Variants in DDI2 observed in about 807,000 individuals in gnomAD.
The protein encoded by DDI2 is DDI proteasomal shuttling factor 2, also known as protein DDI1 homolog 2.
Under a neutral mutation model 48.1 loss-of-function variants are expected in DDI2, and 5 were observed. The ratio of observed to expected loss-of-function variants is 0.10; its 90% CI spans 0.05 to 0.22. DDI2 has a LOEUF of 0.22. Among genes scored for constraint, DDI2 ranks in the 10% least tolerant of loss-of-function variants. The pLI is 1.00. For synonymous variants in DDI2, 205 were observed against 183.6 expected (o/e 1.12, Z -0.94); for missense variants, 285 against 506.2 (o/e 0.56, Z 4.19).
In DDI2 at chr1:15,660,523, A is replaced by G. The variant is rs1640352514; in HGVS notation, c.*733A>G. 1 of 1,613,370 alleles carries G rather than the reference A, an allele frequency of 6.2e-7. No individual in the cohort carries two copies. Among genetic ancestry groups the G allele is most frequent in the Non-Finnish European group, 8.5e-7 (1 of 1,179,890 alleles). On this transcript the variant is annotated 3_prime_UTR_variant, in exon 10 of 10. Transcript: ENST00000480945. ...TGATTTGGAAGCTACGATGAAAGGA[A>G]ATGGGCTCCCACAGAATGTGGATCC...
At chr1:15,638,942 C>T (rs1639967164) in intron 5 of DDI2, among the ~76,000 whole-genome samples, 1 of 152,134 alleles carries the variant, frequency 6.6e-6, no homozygotes, top group African/African-American at 2.4e-5. Context: ...CCTAACTCCC[C>T]TTATCTAGCA....
intron 9 of DDI2, 101 bp from the exon 10 acceptor site, chr1:15,659,736 C>T (rs746964723): frequency 2.8e-5 from 35 of 1,255,322 alleles, no homozygotes; most frequent in Non-Finnish European, 3.7e-5. Flanking sequence ...GTTTGAGGAC[C>T]TTATTTTATT....
intron 1 of DDI2, among the ~76,000 whole-genome samples, chr1:15,622,681 A>T (rs547713717): frequency 6.6e-6 from 1 of 152,142 alleles, no homozygotes; most frequent in South Asian, 2.1e-4. Context: ...TTTTGTTTTT[A>T]TTGGTAGAGA....
intron 5 of DDI2, among the ~76,000 whole-genome samples, chr1:15,640,182 G>A (rs112513262): frequency 5.9e-5 from 9 of 151,988 alleles, no homozygotes; most frequent in African/African-American, 2.2e-4. Context: ...CCCCGTGTGA[G>A]TGAGAGACAA....
At chr1:15,653,608 C>T (rs955660628) in intron 8 of DDI2, among the ~76,000 whole-genome samples, 1 of 152,082 alleles carries the variant, frequency 6.6e-6, no homozygotes, top group African/African-American at 2.4e-5. Flanking sequence ...CTGATCCTCC[C>T]ATCTCCCCTT....
intron 3 of DDI2, among the ~76,000 whole-genome samples, chr1:15,631,315 C>T (rs1351394579): frequency 1.3e-5 from 2 of 152,092 alleles, no homozygotes; most frequent in Non-Finnish European, 2.9e-5. Flanking sequence ...GGAGTTTTGC[C>T]ATGTTGTCCA....
chr1:15,631,900 G>A (rs1451866235), intron 3 of DDI2, among the ~76,000 whole-genome samples: 1 of 151,898 alleles, frequency 6.6e-6, no homozygotes, highest in African/African-American at 2.4e-5. Context: ...TCGCCTCCTG[G>A]GTTCAAGCGA....
At chr1:15,643,747 T>C in intron 6 of DDI2, 97 bp downstream of exon 6, 1 of 1,484,494 alleles carries the variant, frequency 6.7e-7, no homozygotes, top group South Asian at 1.4e-5. Context: ...TGTTGTTATT[T>C]TGTTGTTGTT....
intron 6 of DDI2, among the ~76,000 whole-genome samples, 166 bp downstream of exon 6, chr1:15,643,816 T>G (rs1640045478): frequency 6.6e-6 from 1 of 152,220 alleles, no homozygotes; most frequent in East Asian, 1.9e-4. Context: ...TCTAGAAGTT[T>G]TAAATCCTGT....
At chr1:15,647,142 T>G (rs961469319) in intron 6 of DDI2, among the ~76,000 whole-genome samples, 2 of 151,930 alleles carry the variant, frequency 1.3e-5, no homozygotes, top group African/African-American at 2.4e-5. Context: ...GGTTGTTTCT[T>G]TTTTTCTTTT....
At position 15,665,072 on chromosome 1, in the gene DDI2, G is replaced by C. The variant is rs1256042057; in HGVS notation, c.*5282G>C. 1 of 152,342 alleles carries C rather than the reference G, an allele frequency of 6.6e-6. No homozygotes were observed. The highest frequency in any genetic ancestry group is 1.9e-4 in the East Asian group (1 of 5,172). 9.4% of individuals were successfully genotyped at this position (152,342 alleles called of 1,614,324 possible). A position where few individuals can be genotyped will look rare whatever the true frequency, so the allele number is the denominator to read the frequency against. Reference sequence around the variant, plus strand: ...AGGGCAGGAGTTTGAGACAGGCCTGGCCAACATGGTGAAACTCCATCTCTA... The same window carrying C: ...AGGGCAGGAGTTTGAGACAGGCCTGCCCAACATGGTGAAACTCCATCTCTA... On this transcript the variant is annotated 3_prime_UTR_variant, in exon 10 of 10. Transcript: ENST00000480945.
At chr1:15,651,937 G>A in intron 8 of DDI2, 42 bp downstream of exon 8, 1 of 1,578,678 alleles carries the variant, frequency 6.3e-7, no homozygotes, top group Admixed American at 1.7e-5. Flanking sequence ...GTTATTGATG[G>A]GTAAGCCCGG....
chr1:15,622,536 A>C (rs1207660728), intron 1 of DDI2, among the ~76,000 whole-genome samples: 1 of 152,184 alleles, frequency 6.6e-6, no homozygotes, highest in African/African-American at 2.4e-5. Flanking sequence ...AGTTTTGCTG[A>C]TTAAGACTCA....
At chr1:15,647,888 C>T (rs1228640624) in intron 6 of DDI2, among the ~76,000 whole-genome samples, 1 of 152,012 alleles carries the variant, frequency 6.6e-6, no homozygotes, top group African/African-American at 2.4e-5. Flanking sequence ...CACTTGAACC[C>T]GGGAGGCAAA....
At chr1:15,638,551 T>G (rs1639959692) in intron 5 of DDI2, 117 bp downstream of exon 5, 1 of 955,446 alleles carries the variant, frequency 1.0e-6, no homozygotes, top group South Asian at 1.6e-5. Flanking sequence ...TTTTTTTTTT[T>G]TGAGACAGAG....
At position 15,660,474 on chromosome 1, in the gene DDI2, G is replaced by T. The variant is rs1354623239; in HGVS notation, c.*684G>T. 6.2e-7 allele frequency: 1 copy of T among 1,613,984 alleles called. No homozygotes were observed. The highest frequency in any genetic ancestry group is 2.2e-5 in the East Asian group (1 of 44,874). ...GGGACCTTGAGCTTCCTGAAGAAAG[G>T]CAACAGAATCAACACAAAATTGTTG... On this transcript the variant is annotated 3_prime_UTR_variant, in exon 10 of 10. Transcript: ENST00000480945.
intron 5 of DDI2, among the ~76,000 whole-genome samples, chr1:15,641,195 A>G (rs1640002169): frequency 6.6e-6 from 1 of 152,178 alleles, no homozygotes; most frequent in African/African-American, 2.4e-5. Flanking sequence ...CTATTGGCCC[A>G]GTGCAGTGGC....
chr1:15,643,371 G>A, intron 5 of DDI2, 151 bp from the exon 6 acceptor site: 1 of 1,022,952 alleles, frequency 9.8e-7, no homozygotes. Context: ...AATTAGGCAG[G>A]CAGGGCACTT....
At position 15,661,440 on chromosome 1, in the gene DDI2, A is replaced by T; in HGVS notation, c.*1650A>T. ...CCAATTTCATATTGGTTAAAGACTT[A>T]GGTCAGGGCATACAGAATTCAGTAA... On this transcript the variant is annotated 3_prime_UTR_variant, in exon 10 of 10. Transcript: ENST00000480945. 6.2e-7 allele frequency: 1 copy of T among 1,614,138 alleles called. No individual in the cohort carries two copies. The highest frequency in any genetic ancestry group is 1.6e-4 in the Middle Eastern group (1 of 6,062).
Sources: gnomAD v4.1 joint callset for allele counts (sites outside exome capture counted in the v4.1 genomes callset) on GRCh38, gnomAD v4.1.1 for gene constraint, MANE v1.5 for transcripts, NCBI Gene and HGNC (gene_info 2026-07-23, HGNC 2026-07-21) for gene names.